The following UBE3A variants were observed in gnomAD, a reference collection of about 807,000 sequenced individuals.
UBE3A encodes ubiquitin protein ligase E3A.
Under a neutral mutation model 83.4 loss-of-function variants are expected in UBE3A, and 6 were observed. That is an observed-to-expected ratio of 0.07 (90% CI 0.04 to 0.14). The LOEUF is 0.14. Ranked by LOEUF, UBE3A falls within the 10% of genes least tolerant of loss-of-function variation. The probability of loss-of-function intolerance (pLI) is 1.00; values close to 1 mark genes in which losing one functional copy is unlikely to be tolerated. For missense variants in UBE3A, 456 were observed against 1,036.1 expected (o/e 0.44, Z 7.69); for synonymous variants, 337 against 355.4 (o/e 0.95, Z 0.58).
intron 11 of UBE3A, among the ~76,000 whole-genome samples, chr15:25,342,322 GAC>G (rs2074979263): frequency 6.6e-6 from 1 of 151,976 alleles, no homozygotes; most frequent in African/African-American, 2.4e-5. Context: ...GAAGAACAGA[GAC>G]AGACCCTGCA....
chr15:25,437,785 C>G (rs1217236301), intron 1 of UBE3A, among the ~76,000 whole-genome samples: 1 of 152,024 alleles, frequency 6.6e-6, no homozygotes, highest in Non-Finnish European at 1.5e-5. Flanking sequence ...TCAATTCTAC[C>G]TTTACCAACA....
Position 25,371,873 on chromosome 15 carries a change from G to A in UBE3A, c.362-61C>T, listed in dbSNP as rs1421685772. Reference sequence around the variant, plus strand: ...TCATAATATGTATGTTTACTCTGTTGCAAAAAGTTCTAAAAGTAAAACAGC... The same window carrying A: ...TCATAATATGTATGTTTACTCTGTTACAAAAAGTTCTAAAAGTAAAACAGC... On this transcript the variant is annotated intron_variant, in intron 5 of 12. Transcript: ENST00000648336. This position sits in a 1 kb window ranked among gnomAD's most constrained non-coding sequence, Gnocchi z 5.3. 4 of 1,518,346 alleles carry A rather than the reference G, an allele frequency of 2.6e-6. No individual in the cohort carries two copies. In the South Asian group the frequency reaches 3.6e-5, roughly 14 times the overall value. The allele number at this position is 1,518,346 out of a possible 1,614,324, so 94.1% of individuals were successfully genotyped here.
chr15:25,432,086 AGG>A (rs1283138933), intron 1 of UBE3A, among the ~76,000 whole-genome samples: 1 of 152,244 alleles, frequency 6.6e-6, no homozygotes, highest in African/African-American at 2.4e-5. Flanking sequence ...GAAGTACGAA[AGG>A]AAGAAATTCC....
chr15:25,427,795 G>GAA (rs71127058), intron 1 of UBE3A, among the ~76,000 whole-genome samples: 4 of 77,418 alleles, frequency 5.2e-5, no homozygotes, highest in Non-Finnish European at 7.2e-5. Context: ...CTGTCTCCTG[G>GAA]AAAAAAAAAA....
At chr15:25,408,494 T>C in intron 3 of UBE3A, 1 of 1,288,236 alleles carries the variant, frequency 7.8e-7, no homozygotes, top group Non-Finnish European at 1.1e-6. Flanking sequence ...CATTGGATAA[T>C]AAAATGTAAA....
chr15:25,433,529 G>C (rs1894120194), intron 1 of UBE3A, among the ~76,000 whole-genome samples: 1 of 152,116 alleles, frequency 6.6e-6, no homozygotes, highest in Admixed American at 6.6e-5. Context: ...GATCACGTTT[G>C]AAAAGCATAC....
At chr15:25,430,051 T>TATATATATATATA (rs1567190959) in intron 1 of UBE3A, among the ~76,000 whole-genome samples, 4 of 78,012 alleles carry the variant, frequency 5.1e-5, no homozygotes, top group African/African-American at 7.5e-5. Flanking sequence ...ATATATATAT[T>TATATATATATATA]TATATGTATT....
At chr15:25,368,565 T>C (rs1186732776) in intron 6 of UBE3A, among the ~76,000 whole-genome samples, 1 of 152,106 alleles carries the variant, frequency 6.6e-6, no homozygotes, top group African/African-American at 2.4e-5. Flanking sequence ...TTTTGTGGGC[T>C]GGCAATATTC....
intron 11 of UBE3A, among the ~76,000 whole-genome samples, chr15:25,350,119 A>G (rs1035970149): frequency 1.3e-5 from 2 of 152,062 alleles, no homozygotes; most frequent in African/African-American, 4.8e-5. Flanking sequence ...ATAACCAACT[A>G]AAAATTAGCT....
At chr15:25,392,727 G>A (rs1052094047) in intron 4 of UBE3A, among the ~76,000 whole-genome samples, 3 of 152,054 alleles carry the variant, frequency 2.0e-5, no homozygotes, top group Admixed American at 6.6e-5. Flanking sequence ...TCAGATAGAG[G>A]AAAATGAGTA....
At chr15:25,389,625 T>C (rs982342931) in intron 4 of UBE3A, among the ~76,000 whole-genome samples, 1 of 152,172 alleles carries the variant, frequency 6.6e-6, no homozygotes, top group Non-Finnish European at 1.5e-5. Context: ...CTGGGTGTGG[T>C]GGCTCACATC....
chr15:25,349,630 A>G (rs774165345), intron 11 of UBE3A, among the ~76,000 whole-genome samples: 2 of 152,174 alleles, frequency 1.3e-5, no homozygotes, highest in Non-Finnish European at 2.9e-5. Context: ...CCTTCTTCAC[A>G]ATTTCATAGA....
chr15:25,406,285 G>C (rs1009343854), intron 3 of UBE3A, among the ~76,000 whole-genome samples: 3 of 152,164 alleles, frequency 2.0e-5, no homozygotes, highest in African/African-American at 4.8e-5. Context: ...TGTATTACCT[G>C]TCAAAAGTGT....
At chr15:25,354,326 C>CT in intron 11 of UBE3A, 27 bp downstream of exon 11, 1 of 1,607,902 alleles carries the variant, frequency 6.2e-7, no homozygotes, top group Non-Finnish European at 8.5e-7. Flanking sequence ...TGAATCAAAT[C>CT]TTCCTCTGAA....
chr15:25,395,882 T>TA (rs1259597618), intron 4 of UBE3A, among the ~76,000 whole-genome samples: 1 of 152,182 alleles, frequency 6.6e-6, no homozygotes, highest in Admixed American at 6.5e-5. Context: ...GCCTTAGTGT[T>TA]AGAGGTAAAG....
At chr15:25,354,774 A>G (rs1251536917) in intron 9 of UBE3A, 91 bp from the exon 10 acceptor site, 5 of 1,225,148 alleles carry the variant, frequency 4.1e-6, no homozygotes, top group African/African-American at 1.5e-5. Context: ...TAATTTTTCC[A>G]AGAAAAAAAC....
At chr15:25,398,445 A>G (rs1596137183) in intron 4 of UBE3A, among the ~76,000 whole-genome samples, 1 of 151,684 alleles carries the variant, frequency 6.6e-6, no homozygotes, top group Non-Finnish European at 1.5e-5. Flanking sequence ...TCTGACCAAC[A>G]CCTCTGCAAC....
At chr15:25,364,157 A>C (rs927672876) in intron 6 of UBE3A, among the ~76,000 whole-genome samples, 5 of 152,160 alleles carry the variant, frequency 3.3e-5, no homozygotes, top group Admixed American at 2.6e-4. Flanking sequence ...CAGTCAGTAG[A>C]GATCGTGCCA....
chr15:25,338,966 A>C lies in UBE3A; in HGVS notation c.*171T>G. ...TGTTCCAGCCCACATGTCCCCAATA[A>C]AGAAGGGAGGCACAGACATAGGTGA... On this transcript the variant is annotated 3_prime_UTR_variant, in exon 13 of 13. Coordinates refer to ENST00000648336, the MANE Select transcript of UBE3A (RefSeq NM_130839.5). The C allele has an allele frequency of 1.8e-6, 1 of 545,470 alleles. No homozygotes were observed. Among genetic ancestry groups the C allele is most frequent in the Non-Finnish European group, 2.9e-6 (1 of 347,772 alleles). The allele number at this position is 545,470 out of a possible 1,614,324, so 33.8% of individuals were successfully genotyped here. A position where few individuals can be genotyped will look rare whatever the true frequency, so the allele number is the denominator to read the frequency against.
Sources: gnomAD v4.1 joint callset for allele counts (sites outside exome capture counted in the v4.1 genomes callset) on GRCh38, gnomAD v4.1.1 for gene constraint, Gnocchi (gnomAD v3.1) non-coding constraint, MANE v1.5 for transcripts, NCBI Gene and HGNC (gene_info 2026-07-23, HGNC 2026-07-21) for gene names.